The following NKAIN3 variants were observed in gnomAD, a reference collection of about 807,000 sequenced individuals.
The protein encoded by NKAIN3 is sodium/potassium-transporting ATPase subunit beta-1-interacting protein 3.
A neutral mutation model predicts 30.2 loss-of-function variants in NKAIN3; 25 were observed. The ratio of observed to expected loss-of-function variants is 0.83; its 90% CI spans 0.60 to 1.16. The LOEUF is 1.16. Ranked by LOEUF, NKAIN3 falls within the 50% of genes most tolerant of loss-of-function variation. NKAIN3 has a pLI of 0.00. For missense variants in NKAIN3, 225 were observed against 254.1 expected, an observed-to-expected ratio of 0.89 and a Z score of 0.78; for synonymous variants, 91 against 89.6, an observed-to-expected ratio of 1.02 and a Z score of -0.09.
chr8:62,903,680 C>G (rs1821679551), intron 4 of NKAIN3, among the ~76,000 whole-genome samples: 1 of 152,136 alleles, frequency 6.6e-6, no homozygotes, highest in Non-Finnish European at 1.5e-5. Context: ...TTAATCTGTT[C>G]TCACGCTGCT....
At chr8:62,850,596 A>G (rs1382890407) in intron 4 of NKAIN3, among the ~76,000 whole-genome samples, 1 of 152,068 alleles carries the variant, frequency 6.6e-6, no homozygotes, top group Non-Finnish European at 1.5e-5. Flanking sequence ...TAGGTCTAAC[A>G]TTTAAGTCTA....
At chr8:62,542,967 G>A (rs996148189) in intron 1 of NKAIN3, among the ~76,000 whole-genome samples, 1 of 152,160 alleles carries the variant, frequency 6.6e-6, no homozygotes, top group Non-Finnish European at 1.5e-5. Flanking sequence ...CATGGCTCTT[G>A]TATTTCTGAT....
In NKAIN3 at chr8:62,741,743, C is replaced by T. The variant is rs1000207388; in HGVS notation, c.274-5189C>T. 2.6e-5 allele frequency among the ~76,000 whole-genome samples: 4 copies of T among 152,144 alleles called. No homozygotes were observed. The South Asian group carries it at 8.3e-4, about 32-fold the overall frequency. ...TGTTTTTATTTCCTTATGATGGCTC[C>T]ATGTCAGGTAAAACTGATAATAAAT... On this transcript the variant is annotated intron_variant, in intron 3 of 6. Transcript: ENST00000623646.
At chr8:62,838,416 G>A (rs1358308939) in intron 4 of NKAIN3, among the ~76,000 whole-genome samples, 1 of 151,920 alleles carries the variant, frequency 6.6e-6, no homozygotes, top group Admixed American at 6.6e-5. Context: ...GGGACATTTA[G>A]AAGAGAGATT....
At chr8:62,312,823 C>A (rs1393593349) in intron 1 of NKAIN3, among the ~76,000 whole-genome samples, 106 of 142,372 alleles carry the variant, frequency 7.4e-4, no homozygotes, top group East Asian at 6.2e-4. Context: ...AACCTTGTCT[C>A]AAAAAAAAAA....
At chr8:62,640,346 C>G (rs1382641401) in intron 3 of NKAIN3, among the ~76,000 whole-genome samples, 1 of 152,014 alleles carries the variant, frequency 6.6e-6, no homozygotes, top group Non-Finnish European at 1.5e-5. Context: ...GGCTCTTCCC[C>G]CTTTGCTTTG....
intron 1 of NKAIN3, among the ~76,000 whole-genome samples, chr8:62,337,611 C>A (rs1322687915): frequency 6.6e-6 from 1 of 150,850 alleles, no homozygotes; most frequent in African/African-American, 2.5e-5. Context: ...CAGACACACA[C>A]TCTCACACAC....
chr8:62,973,152 A>C lies in NKAIN3; in HGVS notation c.*7745A>C, dbSNP rs1823869844. On this transcript the variant is annotated 3_prime_UTR_variant, in exon 7 of 7. Coordinates refer to ENST00000623646, the MANE Select transcript of NKAIN3 (RefSeq NM_001304533.3). ...AACATAGGAGTGCATGTGTCATTAT[A>C]GTAGAATGATTTATAATCCTTTGGG... Among the ~76,000 whole-genome samples, 1 of 152,236 alleles carries C rather than the reference A, an allele frequency of 6.6e-6. No individual in the cohort carries two copies.
At chr8:62,469,780 A>AT (rs1465747709) in intron 1 of NKAIN3, among the ~76,000 whole-genome samples, 1 of 152,168 alleles carries the variant, frequency 6.6e-6, no homozygotes, top group Non-Finnish European at 1.5e-5. Flanking sequence ...CTCTACTAAG[A>AT]AAGATTGCAG....
chr8:62,390,259 A>G (rs1194148209), intron 1 of NKAIN3, among the ~76,000 whole-genome samples: 1 of 151,934 alleles, frequency 6.6e-6, no homozygotes, highest in Non-Finnish European at 1.5e-5. Context: ...ATTTCTTCTC[A>G]TCATTTAGCT....
At chr8:62,379,351 G>A (rs185906629) in intron 1 of NKAIN3, among the ~76,000 whole-genome samples, 225 of 152,326 alleles carry the variant, frequency 1.5e-3, no homozygotes, top group Non-Finnish European at 2.7e-3. Context: ...AATGAGTTAA[G>A]ACTTTTGGGG....
chr8:62,750,895 T>A (rs908098769), intron 4 of NKAIN3, among the ~76,000 whole-genome samples: 1 of 151,982 alleles, frequency 6.6e-6, no homozygotes. Context: ...GTTCATATGC[T>A]CATCACTTCT....
chr8:62,610,763 C>G (rs1176099017), intron 3 of NKAIN3, among the ~76,000 whole-genome samples: 3 of 152,086 alleles, frequency 2.0e-5, no homozygotes, highest in Admixed American at 2.0e-4. Flanking sequence ...TACTTTGTTG[C>G]ATCATATATT....
At chr8:62,434,493 G>T (rs768342952) in intron 1 of NKAIN3, among the ~76,000 whole-genome samples, 3 of 152,046 alleles carry the variant, frequency 2.0e-5, no homozygotes, top group Non-Finnish European at 4.4e-5. Context: ...TCAGACCAGC[G>T]TTTATCTTAA....
At chr8:62,279,790 T>C (rs192620466) in intron 1 of NKAIN3, among the ~76,000 whole-genome samples, 106 of 152,318 alleles carry the variant, frequency 7.0e-4, no homozygotes, top group Middle Eastern at 3.4e-3. Flanking sequence ...TGTAGTATAG[T>C]TTGAAGTCAG....
chr8:62,409,787 T>G (rs1433174364), intron 1 of NKAIN3, among the ~76,000 whole-genome samples: 1 of 152,088 alleles, frequency 6.6e-6, no homozygotes, highest in African/African-American at 2.4e-5. Context: ...TTAAAATTAT[T>G]TATTTAACAC....
At chr8:62,834,287 A>C (rs954973588) in intron 4 of NKAIN3, among the ~76,000 whole-genome samples, 1 of 152,124 alleles carries the variant, frequency 6.6e-6, no homozygotes, top group African/African-American at 2.4e-5. Context: ...GCCCACTCTC[A>C]CTACTATTAT....
intron 1 of NKAIN3, among the ~76,000 whole-genome samples, chr8:62,405,385 C>T (rs1475852382): frequency 5.3e-5 from 8 of 152,140 alleles, no homozygotes; most frequent in African/African-American, 1.9e-4. Flanking sequence ...TATGTAGGAC[C>T]ACAGAGTACT....
chr8:62,818,665 G>C (rs893435919), intron 4 of NKAIN3, among the ~76,000 whole-genome samples: 2 of 151,982 alleles, frequency 1.3e-5, no homozygotes, highest in Non-Finnish European at 2.9e-5. Context: ...TTTATCCAAG[G>C]TTCTTCTAAT....
Sources: allele counts gnomAD v4.1 joint callset (sites outside exome capture counted in the v4.1 genomes callset), GRCh38; gene constraint gnomAD v4.1.1; transcripts MANE v1.5; gene names NCBI Gene and HGNC (gene_info 2026-07-23, HGNC 2026-07-21).